OPCML: variants seen among roughly 807,000 people sequenced by gnomAD.
OPCML encodes the protein opioid binding protein/cell adhesion molecule like, also known as opioid-binding protein/cell adhesion molecule.
Under a neutral mutation model 37.8 loss-of-function variants are expected in OPCML, and 13 were observed. The ratio of observed to expected loss-of-function variants is 0.34; its 90% CI spans 0.22 to 0.55. The LOEUF (loss-of-function observed/expected upper bound fraction) is 0.55. Ranked by LOEUF, OPCML falls within the 20% of genes least tolerant of loss-of-function variation. The pLI, the probability that OPCML is intolerant of heterozygous loss-of-function variation, is 0.91. For missense variants in OPCML, 341 were observed against 435.6 expected (o/e 0.78, Z 1.93); for synonymous variants, 176 against 168.8 (o/e 1.04, Z -0.33).
chr11:132,746,831 C>T (rs1204025613), intron 2 of OPCML, among the ~76,000 whole-genome samples: 1 of 152,100 alleles, frequency 6.6e-6, no homozygotes, highest in Admixed American at 6.5e-5. Flanking sequence ...AGATAAAGAG[C>T]TGTCCTTCAA....
At chr11:132,719,723 T>TA (rs1363178677) in intron 2 of OPCML, among the ~76,000 whole-genome samples, 6 of 152,088 alleles carry the variant, frequency 3.9e-5, no homozygotes, top group Non-Finnish European at 7.4e-5. Context: ...TATATTGAAA[T>TA]AAAAAGCTAG....
At chr11:133,400,061 C>A (rs962898929) in intron 1 of OPCML, among the ~76,000 whole-genome samples, 1 of 152,102 alleles carries the variant, frequency 6.6e-6, no homozygotes, top group Non-Finnish European at 1.5e-5. Flanking sequence ...CTTTAGAATT[C>A]ATTCTCTCAA....
At chr11:132,515,074 G>T (rs557947355) in intron 4 of OPCML, among the ~76,000 whole-genome samples, 74 of 152,336 alleles carry the variant, frequency 4.9e-4, no homozygotes, top group Middle Eastern at 6.8e-3. Context: ...GAGGTGAGCT[G>T]AGCAGAGCTT....
intron 1 of OPCML, among the ~76,000 whole-genome samples, chr11:133,214,163 A>C (rs1939490382): frequency 6.6e-6 from 1 of 152,218 alleles, no homozygotes; most frequent in Non-Finnish European, 1.5e-5. Context: ...AATTTTAATA[A>C]TAAGATTAAA....
chr11:132,642,052 G>A (rs1296068810), intron 3 of OPCML, among the ~76,000 whole-genome samples: 1 of 152,176 alleles, frequency 6.6e-6, no homozygotes, highest in Admixed American at 6.5e-5. Flanking sequence ...TACAGATAAG[G>A]GAAATTCATT....
At chr11:133,276,776 T>C (rs1183243594) in intron 1 of OPCML, among the ~76,000 whole-genome samples, 4 of 152,160 alleles carry the variant, frequency 2.6e-5, no homozygotes, top group Non-Finnish European at 5.9e-5. Context: ...CCCGAGTTTG[T>C]TTTTATAACT....
intron 2 of OPCML, among the ~76,000 whole-genome samples, chr11:132,898,318 C>T (rs546348462): frequency 6.6e-6 from 1 of 152,258 alleles, no homozygotes; most frequent in East Asian, 1.9e-4. Flanking sequence ...GTTTGCCTTC[C>T]CTCCATGCAA....
intron 1 of OPCML, among the ~76,000 whole-genome samples, chr11:132,994,075 T>C (rs993369895): frequency 2.6e-5 from 4 of 152,216 alleles, no homozygotes; most frequent in Non-Finnish European, 5.9e-5. Flanking sequence ...ACCAGCCTTG[T>C]GGTTAAAGCA....
rs78073544 is a variant in OPCML at position 132,765,726 on chromosome 11, G to C, written c.147-108407C>G. On this transcript the variant is annotated intron_variant, in intron 2 of 7. Coordinates refer to ENST00000524381, the MANE Select transcript of OPCML (RefSeq NM_001012393.5). ...AAAGAAGGAAAATATCCCAGAAATA[G>C]ATTTGGAAAAATATCTTGTGTCTCC... 3.0e-3 allele frequency among the ~76,000 whole-genome samples: 450 copies of C among 152,324 alleles called. 2 individuals are homozygous for C. Among genetic ancestry groups the C allele is most frequent in the Non-Finnish European group, 3.7e-3 (254 of 68,022 alleles).
chr11:132,436,118 A>G lies in OPCML; in HGVS notation c.884T>C (p.Leu295Pro). Residue 295 changes from leucine (L) to proline (P), a missense_variant, in exon 7 of 8, where the codon CTT becomes CCT. Physicochemically the swap from Leu to Pro is moderately conservative, Grantham distance 98 (BLOSUM62 -3). Coordinates refer to ENST00000524381, the MANE Select transcript of OPCML (RefSeq NM_001012393.5). ...GNYTCVATNK[L>P]GNTNASITLY... is the part of the protein sequence containing the mutation. ...TGTGATGCTGGCATTGGTGTTCCCA[A>G]GCTTGTTCGTGGCCACACAAGTATA... The G allele has an allele frequency of 6.2e-7, 1 of 1,614,162 alleles. No homozygotes were observed. The highest frequency in any genetic ancestry group is 8.5e-7 in the Non-Finnish European group (1 of 1,180,010).
chr11:132,660,180 A>T (rs895030212), intron 2 of OPCML, among the ~76,000 whole-genome samples: 11 of 152,184 alleles, frequency 7.2e-5, no homozygotes, highest in Admixed American at 2.6e-4. Flanking sequence ...AATATCACTC[A>T]CTGCTAGAAT....
At chr11:133,358,425 G>A (rs569927352) in intron 1 of OPCML, among the ~76,000 whole-genome samples, 1 of 152,138 alleles carries the variant, frequency 6.6e-6, no homozygotes, top group Non-Finnish European at 1.5e-5. Context: ...CTTGACATAG[G>A]GCTTCATCAT....
At chr11:132,526,741 T>A (rs2096309544) in intron 4 of OPCML, among the ~76,000 whole-genome samples, 1 of 152,222 alleles carries the variant, frequency 6.6e-6, no homozygotes, top group Non-Finnish European at 1.5e-5. Context: ...ACTTCAAATT[T>A]AATTGCAATA....
At chr11:132,571,233 A>G (rs2096437706) in intron 3 of OPCML, among the ~76,000 whole-genome samples, 1 of 152,048 alleles carries the variant, frequency 6.6e-6, no homozygotes, top group African/African-American at 2.4e-5. Context: ...GCCTTCAGCC[A>G]CAGACTGAAG....
chr11:133,356,364 T>C (rs1022828105), intron 1 of OPCML, among the ~76,000 whole-genome samples: 3 of 152,234 alleles, frequency 2.0e-5, no homozygotes, highest in Non-Finnish European at 4.4e-5. Context: ...ATAGTTTTGT[T>C]GCAACAAGTT....
At chr11:132,835,859 A>G (rs764218648) in intron 2 of OPCML, among the ~76,000 whole-genome samples, 3 of 152,272 alleles carry the variant, frequency 2.0e-5, no homozygotes, top group African/African-American at 4.8e-5. Flanking sequence ...AAAATCCAGA[A>G]CATCGTCCTG....
intron 2 of OPCML, among the ~76,000 whole-genome samples, chr11:132,933,818 C>T (rs371484081): frequency 6.6e-6 from 1 of 152,136 alleles, no homozygotes; most frequent in Non-Finnish European, 1.5e-5. Context: ...GAGAAAAGCA[C>T]ACGGCGGTAC....
chr11:133,075,053 G>A (rs1406679441), intron 1 of OPCML, among the ~76,000 whole-genome samples: 1 of 152,178 alleles, frequency 6.6e-6, no homozygotes, highest in South Asian at 2.1e-4. Context: ...TGCGTGCAGT[G>A]GACGTCAGCC....
chr11:133,165,713 G>C (rs1464578755), intron 1 of OPCML, among the ~76,000 whole-genome samples: 1 of 152,102 alleles, frequency 6.6e-6, no homozygotes, highest in Non-Finnish European at 1.5e-5. Flanking sequence ...CAAGCAAAAG[G>C]AGACCCAAGC....
Sources: allele counts gnomAD v4.1 joint callset (sites outside exome capture counted in the v4.1 genomes callset), GRCh38; gene constraint gnomAD v4.1.1; transcripts MANE v1.5; gene names NCBI Gene and HGNC (gene_info 2026-07-23, HGNC 2026-07-21).